The following PDLIM5 variants were observed in gnomAD, a reference collection of about 807,000 sequenced individuals.
PDLIM5 encodes the protein PDZ and LIM domain 5, also known as PDZ and LIM domain protein 5.
PDLIM5 carries 34 observed loss-of-function variants against 64.2 expected under a neutral mutation model. The observed-to-expected ratio is 0.53, with a 90% CI of 0.40 to 0.71. The LOEUF is 0.71. Ranked by LOEUF, PDLIM5 falls within the 30% of genes least tolerant of loss-of-function variation. PDLIM5 has a pLI of 0.00. For synonymous variants in PDLIM5, 253 were observed against 269.1 expected, an observed-to-expected ratio of 0.94 and a Z score of 0.59; for missense variants, 683 against 733.6, an observed-to-expected ratio of 0.93 and a Z score of 0.80.
At chr4:94,477,012 A>C (rs892125380) in intron 2 of PDLIM5, among the ~76,000 whole-genome samples, 1 of 152,234 alleles carries the variant, frequency 6.6e-6, no homozygotes, top group Non-Finnish European at 1.5e-5. Flanking sequence ...ATGATCGTTA[A>C]TATTTTAAGA....
chr4:94,470,948 C>T (rs1277408598), intron 2 of PDLIM5, among the ~76,000 whole-genome samples: 2 of 152,100 alleles, frequency 1.3e-5, no homozygotes, highest in African/African-American at 4.8e-5. Flanking sequence ...GAAGGAGGAG[C>T]AAAGTCACAT....
At chr4:94,594,819 CTT>C (rs1426624589) in intron 7 of PDLIM5, among the ~76,000 whole-genome samples, 1 of 152,056 alleles carries the variant, frequency 6.6e-6, no homozygotes, top group East Asian at 1.9e-4. Context: ...TTTTATCAGT[CTT>C]TTCTTTATCT....
intron 3 of PDLIM5, among the ~76,000 whole-genome samples, chr4:94,572,301 C>T (rs1295513618): frequency 6.6e-6 from 1 of 152,096 alleles, no homozygotes; most frequent in Admixed American, 6.6e-5. Context: ...TATACCTTAA[C>T]ACTAAGTAAA....
chr4:94,470,240 A>G (rs1254956906), intron 2 of PDLIM5, among the ~76,000 whole-genome samples: 1 of 152,160 alleles, frequency 6.6e-6, no homozygotes, highest in Non-Finnish European at 1.5e-5. Context: ...CTGGGATTAC[A>G]TGCATGAGCC....
chr4:94,579,700 G>T (rs1735584422), intron 5 of PDLIM5, among the ~76,000 whole-genome samples: 1 of 152,052 alleles, frequency 6.6e-6, no homozygotes. Flanking sequence ...TTGCTATGTT[G>T]TGGTGAATTG....
intron 5 of PDLIM5, chr4:94,584,799 G>T: frequency 1.9e-6 from 1 of 522,588 alleles, no homozygotes; most frequent in South Asian, 3.0e-5. Context: ...AATGGCCGTT[G>T]TGAATATTGT....
chr4:94,458,025 G>C (rs566542831), intron 2 of PDLIM5, among the ~76,000 whole-genome samples: 1 of 152,148 alleles, frequency 6.6e-6, no homozygotes, highest in Admixed American at 6.5e-5. Context: ...TGGCTCAATC[G>C]GGCTGCTAGG....
chr4:94,466,981 T>C (rs899128751), intron 2 of PDLIM5, among the ~76,000 whole-genome samples: 28 of 152,220 alleles, frequency 1.8e-4, no homozygotes, highest in African/African-American at 6.3e-4. Flanking sequence ...TAAAGTGGTT[T>C]CATTAAAGTT....
At chr4:94,621,105 AG>A (rs1739204097) in intron 8 of PDLIM5, among the ~76,000 whole-genome samples, 1 of 145,226 alleles carries the variant, frequency 6.9e-6, no homozygotes, top group African/African-American at 2.5e-5. Flanking sequence ...AAAAGCTAGA[AG>A]TATTTCTATT....
chr4:94,533,641 C>T (rs753430609), intron 3 of PDLIM5, among the ~76,000 whole-genome samples: 5 of 152,214 alleles, frequency 3.3e-5, no homozygotes, highest in Admixed American at 2.6e-4. Context: ...TTGTACCTGC[C>T]TTCTAGGGCT....
intron 3 of PDLIM5, among the ~76,000 whole-genome samples, chr4:94,531,518 A>T (rs535708570): frequency 6.6e-6 from 1 of 152,272 alleles, no homozygotes; most frequent in South Asian, 2.1e-4. Flanking sequence ...ATAGCTGATG[A>T]GCTTAAAGTA....
intron 2 of PDLIM5, among the ~76,000 whole-genome samples, chr4:94,493,543 C>G (rs1018681469): frequency 6.6e-6 from 1 of 152,022 alleles, no homozygotes; most frequent in Non-Finnish European, 1.5e-5. Flanking sequence ...CTCAATGACC[C>G]TTTTAATTGC....
At chr4:94,652,953 G>T (rs1210381584) in intron 9 of PDLIM5, among the ~76,000 whole-genome samples, 1 of 152,038 alleles carries the variant, frequency 6.6e-6, no homozygotes, top group Non-Finnish European at 1.5e-5. Context: ...CATCAATATG[G>T]TGACAAAGAA....
chr4:94,456,480 G>A (rs781515998), intron 2 of PDLIM5: 1 of 702,232 alleles, frequency 1.4e-6, no homozygotes, highest in Admixed American at 2.0e-5. Flanking sequence ...TTACAGGCGT[G>A]AGCCACCGTG....
rs912785159 is a variant in PDLIM5 at position 94,547,074 on chromosome 4, AT to A, written c.248+23200del. 3.9e-4 allele frequency among the ~76,000 whole-genome samples: 59 copies of A among 152,252 alleles called. 1 individual carries two copies. Among genetic ancestry groups the A allele is most frequent in the African/African-American group, 1.2e-3 (49 of 41,570 alleles). ...AACTGAATTTGCTAGGTAAATTGAC[AT>A]CAAATACCTCAATTTAAAAAAATGC... is the stretch of plus-strand genomic sequence containing the variant. On this transcript the variant is annotated intron_variant, in intron 3 of 12. Transcript: ENST00000317968.
chr4:94,544,911 A>G (rs1732174060), intron 3 of PDLIM5, among the ~76,000 whole-genome samples: 1 of 152,228 alleles, frequency 6.6e-6, no homozygotes, highest in Admixed American at 6.5e-5. Context: ...TGATGCAAAG[A>G]TTAGCAATAC....
At chr4:94,510,521 C>T (rs571487038) in intron 2 of PDLIM5, among the ~76,000 whole-genome samples, 13 of 152,200 alleles carry the variant, frequency 8.5e-5, no homozygotes, top group African/African-American at 2.6e-4. Flanking sequence ...TATACGAAAA[C>T]GCAGACCTTT....
intron 7 of PDLIM5, among the ~76,000 whole-genome samples, chr4:94,597,834 G>A (rs1737189145): frequency 6.6e-6 from 1 of 152,100 alleles, no homozygotes; most frequent in Non-Finnish European, 1.5e-5. Context: ...GAGATCATCT[G>A]GAAAAAAGTC....
chr4:94,558,701 A>G, intron 3 of PDLIM5, among the ~76,000 whole-genome samples: 1 of 152,076 alleles, frequency 6.6e-6, no homozygotes, highest in East Asian at 1.9e-4. Flanking sequence ...TTGGGGGATA[A>G]AAATGTCGGC....
Sources: gnomAD v4.1 joint callset for allele counts (sites outside exome capture counted in the v4.1 genomes callset) on GRCh38, gnomAD v4.1.1 for gene constraint, MANE v1.5 for transcripts, NCBI Gene and HGNC (gene_info 2026-07-23, HGNC 2026-07-21) for gene names.